The following ZNF426 variants were observed in gnomAD, a reference collection of about 807,000 sequenced individuals.
The protein encoded by ZNF426 is CTC-543D15.7.
In ZNF426, 23 loss-of-function variants were observed where a neutral mutation model predicts 24.0. The observed-to-expected ratio is 0.96, with a 90% CI of 0.69 to 1.36. The LOEUF (loss-of-function observed/expected upper bound fraction) is 1.36. Among genes scored for constraint, ZNF426 ranks in the 40% most tolerant of loss-of-function variants. The pLI, the probability that ZNF426 is intolerant of heterozygous loss-of-function variation, is 0.00. For missense variants in ZNF426, 646 were observed against 658.4 expected, an observed-to-expected ratio of 0.98 and a Z score of 0.21; for synonymous variants, 272 against 224.6, an observed-to-expected ratio of 1.21 and a Z score of -1.89.
chr19:9,528,563 A>G lies in ZNF426; in HGVS notation c.1482T>C (p.His494=), dbSNP rs771408767. 1.9e-6 allele frequency: 3 copies of G among 1,614,048 alleles called. No homozygotes were observed. The highest frequency in any genetic ancestry group is 1.7e-6 in the Non-Finnish European group (2 of 1,180,000). Residue 494 remains histidine (H), a synonymous_variant, in exon 8 of 8, where the codon CAT becomes CAC. Transcript: ENST00000253115. ...GTTTCTCTCCAGTGTGAGTCCTTTC[A>G]TGTATTTGAAATGAACTGGAATGAC... ...AFSHSSSFQI[H]ERTHTGEKPY...
rs1392809542 is a variant in ZNF426, at chr19:9,526,330, G to C, written c.*2050C>G. 2 of 151,830 alleles carry C rather than the reference G, an allele frequency of 1.3e-5. No individual in the cohort carries two copies. Among genetic ancestry groups the C allele is most frequent in the Non-Finnish European group, 2.9e-5 (2 of 68,010 alleles). 9.4% of individuals were successfully genotyped at this position (151,830 alleles called of 1,614,324 possible). ...GCAGGATTGCTGAAATTATCAGACT[G>C]GGAATTTAAAACAATTATGATTGAT... On this transcript the variant is annotated 3_prime_UTR_variant, in exon 8 of 8. Coordinates refer to ENST00000253115, the MANE Select transcript of ZNF426 (RefSeq NM_024106.3).
In ZNF426 at chr19:9,528,627, T is replaced by TC; in HGVS notation, c.1417dup (p.Glu473GlyfsTer5). ...ACATTGTTTACACTCATAGGGTTTT[T>TC]CTCCAGTGTGGATTCGCATGTGAAT... is the stretch of plus-strand genomic sequence containing the variant. On this transcript the variant is annotated frameshift_variant, in exon 8 of 8. Transcript: ENST00000253115. LOFTEE classifies it low-confidence loss of function (END_TRUNC). The TC allele has an allele frequency of 6.2e-7, 1 of 1,614,166 alleles. No homozygotes were observed. The highest frequency in any genetic ancestry group is 8.5e-7 in the Non-Finnish European group (1 of 1,180,040).
rs1225832772 is a variant in ZNF426 at position 9,527,056 on chromosome 19, G to A, written c.*1324C>T. The A allele has an allele frequency of 6.6e-6, 1 of 152,196 alleles. No individual in the cohort carries two copies. The highest frequency in any genetic ancestry group is 2.4e-5 in the African/African-American group (1 of 41,442). The allele number at this position is 152,196 out of a possible 1,614,324, so 9.4% of individuals were successfully genotyped here. On this transcript the variant is annotated 3_prime_UTR_variant, in exon 8 of 8. Coordinates refer to ENST00000253115, the MANE Select transcript of ZNF426 (RefSeq NM_024106.3). ...AATATAGTAATGATGGAAGGTCTGA[G>A]AGGGAGGATTTAGGATTATTTTGAT...
At chr19:9,535,866 C>G (rs1599719991) in intron 3 of ZNF426, among the ~76,000 whole-genome samples, 3 of 151,416 alleles carry the variant, frequency 2.0e-5, no homozygotes, top group Admixed American at 2.0e-4. Flanking sequence ...AAAGAAAATG[C>G]AAACATACAA....
chr19:9,527,444 T>C lies in ZNF426; in HGVS notation c.*936A>G, dbSNP rs1371812598. The C allele has an allele frequency of 6.6e-6, 1 of 152,230 alleles. No homozygotes were observed. The highest frequency in any genetic ancestry group is 1.5e-5 in the Non-Finnish European group (1 of 68,060). 9.4% of individuals were successfully genotyped at this position (152,230 alleles called of 1,614,324 possible). A position where few individuals can be genotyped will look rare whatever the true frequency, so the allele number is the denominator to read the frequency against. ...CTTTCTTTCCTTTTTTCTCCTCTATTTTCACATGGTCTACGACCAGACAAC... is the reference window on the plus strand; with the variant it reads ...CTTTCTTTCCTTTTTTCTCCTCTATCTTCACATGGTCTACGACCAGACAAC... On this transcript the variant is annotated 3_prime_UTR_variant, in exon 8 of 8. Coordinates refer to ENST00000253115, the MANE Select transcript of ZNF426 (RefSeq NM_024106.3).
Position 9,524,645 on chromosome 19 carries a change from G to A in ZNF426, c.*3735C>T, listed in dbSNP as rs1021824623. On this transcript the variant is annotated 3_prime_UTR_variant, in exon 8 of 8. Coordinates refer to ENST00000253115, the MANE Select transcript of ZNF426 (RefSeq NM_024106.3). ...AAAAATACAAAATTAGCTGGGCATG[G>A]TGGTACATGCCTGTAATCCCAGCTA... The A allele has an allele frequency of 2.6e-5, 4 of 152,078 alleles. No homozygotes were observed. The highest frequency in any genetic ancestry group is 9.7e-5 in the African/African-American group (4 of 41,406). The allele number at this position is 152,078 out of a possible 1,614,324, so 9.4% of individuals were successfully genotyped here.
At position 9,524,322 on chromosome 19, in the gene ZNF426, A is replaced by T. The variant is rs1392593530; in HGVS notation, c.*4058T>A. ...TACAAGTTCATTATGACCTGAGATAATAAAGAAGTGGTTCCAGATTCCCAA... is the reference window on the plus strand; with the variant it reads ...TACAAGTTCATTATGACCTGAGATATTAAAGAAGTGGTTCCAGATTCCCAA... On this transcript the variant is annotated 3_prime_UTR_variant, in exon 8 of 8. Transcript: ENST00000253115. The T allele has an allele frequency of 6.6e-6, 1 of 152,232 alleles. No individual in the cohort carries two copies. Among genetic ancestry groups the T allele is most frequent in the Non-Finnish European group, 1.5e-5 (1 of 68,036 alleles). 9.4% of individuals were successfully genotyped at this position (152,232 alleles called of 1,614,324 possible). A position where few individuals can be genotyped will look rare whatever the true frequency, so the allele number is the denominator to read the frequency against.
chr19:9,532,954 G>A (rs776930492), intron 5 of ZNF426, 29 bp from the exon 6 acceptor site: 10 of 1,551,962 alleles, frequency 6.4e-6, no homozygotes, highest in Non-Finnish European at 8.9e-6. Flanking sequence ...ATTAATGGAA[G>A]AGGCTCATAA....
At chr19:9,537,592 C>CT (rs568689139) in intron 2 of ZNF426, among the ~76,000 whole-genome samples, 2,646 of 142,688 alleles carry the variant, frequency 0.019, 67 homozygotes, top group African/African-American at 0.053. Context: ...ACCCAGCCAG[C>CT]TTTTTTTTTT....
At chr19:9,529,660 TA>T (rs772714036) in intron 7 of ZNF426, 24 bp from the exon 8 acceptor site, 22 of 1,556,906 alleles carry the variant, frequency 1.4e-5, no homozygotes, top group Non-Finnish European at 1.9e-5. Context: ...GATGATGATT[TA>T]AGGATTTTTC....
In ZNF426 at chr19:9,527,225, A is replaced by G. The variant is rs1278433571; in HGVS notation, c.*1155T>C. On this transcript the variant is annotated 3_prime_UTR_variant, in exon 8 of 8. Coordinates refer to ENST00000253115, the MANE Select transcript of ZNF426 (RefSeq NM_024106.3). ...AGGTAATTTTACATGTGTAAAAAAA[A>G]TTCTGTGGAATTAATGTAAGGCTTC... The G allele has an allele frequency of 2.0e-5, 3 of 152,184 alleles. No homozygotes were observed. Among genetic ancestry groups the G allele is most frequent in the Non-Finnish European group, 4.4e-5 (3 of 68,032 alleles). The allele number at this position is 152,184 out of a possible 1,614,324, so 9.4% of individuals were successfully genotyped here. A position where few individuals can be genotyped will look rare whatever the true frequency, so the allele number is the denominator to read the frequency against.
intron 5 of ZNF426, 24 bp from the exon 6 acceptor site, chr19:9,532,949 T>C (rs2073909221): frequency 6.4e-7 from 1 of 1,562,020 alleles, no homozygotes; most frequent in East Asian, 2.2e-5. Flanking sequence ...AATACATTAA[T>C]GGAAGAGGCT....
chr19:9,535,188 C>T lies in ZNF426; in HGVS notation c.117G>A (p.Gln39=). The stretch of plus-strand genomic sequence containing the variant: ...GTATAAGAATACAGCTGCTTTTTAC[C>T]TGATAACAATCTGTTAGGCAGTCAG... ...IVADCLTDCY[Q]DSVTFDDVAV... The change falls in exon 4 of 8, where the codon CAG becomes CAA. Residue 39 remains glutamine (Q), a splice_region_variant and synonymous_variant. Coordinates refer to ENST00000253115, the MANE Select transcript of ZNF426 (RefSeq NM_024106.3). 3 of 1,609,922 alleles carry T rather than the reference C, an allele frequency of 1.9e-6. No homozygotes were observed. Among genetic ancestry groups the T allele is most frequent in the Non-Finnish European group, 2.5e-6 (3 of 1,177,606 alleles).
At chr19:9,535,316 C>T in intron 3 of ZNF426, 37 bp from the exon 4 acceptor site, 10 of 1,490,206 alleles carry the variant, frequency 6.7e-6, no homozygotes, top group Non-Finnish European at 9.3e-6. Context: ...CCCGAGCTGA[C>T]CATAATCCCC....
chr19:9,528,153 A>AT lies in ZNF426; in HGVS notation c.*226dup, dbSNP rs2073818467. The AT allele has an allele frequency of 2.3e-6, 1 of 426,660 alleles. No homozygotes were observed. The highest frequency in any genetic ancestry group is 4.1e-6 in the Non-Finnish European group (1 of 242,128). 26.4% of individuals were successfully genotyped at this position (426,660 alleles called of 1,614,324 possible). ...ACAGGTGCCCACCACACCTGGCTAA[A>AT]TTTTTTGTATTTTCAGTAGAGACAA... On this transcript the variant is annotated 3_prime_UTR_variant, in exon 8 of 8. Transcript: ENST00000253115.
chr19:9,524,333 G>T lies in ZNF426; in HGVS notation c.*4047C>A, dbSNP rs1162985176. On this transcript the variant is annotated 3_prime_UTR_variant, in exon 8 of 8. Transcript: ENST00000253115. ...TATGACCTGAGATAATAAAGAAGTG[G>T]TTCCAGATTCCCAACTCTCACAGCA... The T allele has an allele frequency of 6.6e-6, 1 of 152,168 alleles. No individual in the cohort carries two copies. The highest frequency in any genetic ancestry group is 6.6e-5 in the Admixed American group (1 of 15,266). 9.4% of individuals were successfully genotyped at this position (152,168 alleles called of 1,614,324 possible). A position where few individuals can be genotyped will look rare whatever the true frequency, so the allele number is the denominator to read the frequency against.
chr19:9,536,363 G>C lies in ZNF426; in HGVS notation c.-124-7C>G. ...AACAGGGTTATTGGGATTCCTGTTG[G>C]TATTAATCAATAATCAACAAGCAGT... is the stretch of plus-strand genomic sequence containing the variant. On this transcript the variant is annotated splice_polypyrimidine_tract_variant and splice_region_variant and intron_variant, in intron 2 of 7. Coordinates refer to ENST00000253115, the MANE Select transcript of ZNF426 (RefSeq NM_024106.3). 6.3e-7 allele frequency: 1 copy of C among 1,579,734 alleles called. No individual in the cohort carries two copies. The highest frequency in any genetic ancestry group is 1.8e-5 in the Admixed American group (1 of 54,474).
rs1457516738 is a variant in ZNF426, at chr19:9,533,821, G to A, written c.244+19C>T. 1.2e-6 allele frequency: 2 copies of A among 1,613,678 alleles called. No individual in the cohort carries two copies. The highest frequency in any genetic ancestry group is 3.3e-5 in the Admixed American group (2 of 59,962). On this transcript the variant is annotated intron_variant, in intron 5 of 7. Transcript: ENST00000253115. ...ATATCAGTTCCATAGAAGGCTGCAA[G>A]GGATGAGGCCAGTCTTACCTACTGT... is the stretch of plus-strand genomic sequence containing the variant.
chr19:9,533,838 A>G lies in ZNF426; in HGVS notation c.244+2T>C, dbSNP rs755898069. ...GGCTGCAAGGGATGAGGCCAGTCTT[A>G]CCTACTGTGGCCAGGTTCTTGTAGT... On this transcript the variant is annotated splice_donor_variant, in intron 5 of 7. Coordinates refer to ENST00000253115, the MANE Select transcript of ZNF426 (RefSeq NM_024106.3). LOFTEE classifies it high-confidence loss of function. The G allele has an allele frequency of 1.2e-6, 2 of 1,614,080 alleles. No homozygotes were observed. Among genetic ancestry groups the G allele is most frequent in the Non-Finnish European group, 1.7e-6 (2 of 1,179,962 alleles).
Sources: allele counts gnomAD v4.1 joint callset (sites outside exome capture counted in the v4.1 genomes callset), GRCh38; gene constraint gnomAD v4.1.1; transcripts MANE v1.5; gene names NCBI Gene and HGNC (gene_info 2026-07-23, HGNC 2026-07-21).